ACTN1: variants seen among roughly 807,000 people sequenced by gnomAD.
ACTN1 encodes the protein alpha-actinin-1.
A neutral mutation model predicts 119.6 loss-of-function variants in ACTN1; 30 were observed. The ratio of observed to expected loss-of-function variants is 0.25; its 90% CI spans 0.19 to 0.34. ACTN1 has a LOEUF of 0.34. ACTN1 is among the 10% of genes least tolerant of loss of function. The probability of loss-of-function intolerance (pLI) is 1.00; values close to 1 mark genes in which losing one functional copy is unlikely to be tolerated. For synonymous variants in ACTN1, 429 were observed against 472.6 expected (o/e 0.91, Z 1.20); for missense variants, 764 against 1,223.4 (o/e 0.62, Z 5.60).
rs1318538514 is a variant in ACTN1 at position 68,938,754 on chromosome 14, A to T, written c.106-13082T>A. Among the ~76,000 whole-genome samples, 3 of 152,222 alleles carry T rather than the reference A, an allele frequency of 2.0e-5. No individual in the cohort carries two copies. In the East Asian group the frequency reaches 5.8e-4, roughly 29 times the overall value. ...GATACCCTGGACACATCAGGAGCCC[A>T]GTCAATGTCAGCGGTCAGCATGCTC... On this transcript the variant is annotated intron_variant, in intron 1 of 21. Coordinates refer to ENST00000394419, the MANE Select transcript of ACTN1 (RefSeq NM_001130004.2).
intron 1 of ACTN1, among the ~76,000 whole-genome samples, chr14:68,970,075 C>T (rs1042000842): frequency 6.6e-6 from 1 of 152,164 alleles, no homozygotes; most frequent in African/African-American, 2.4e-5. Flanking sequence ...AAAATGCTCC[C>T]CTACAAGCCC....
Position 68,878,385 on chromosome 14 carries a change from T to C in ACTN1, c.2427+73A>G, listed in dbSNP as rs2031128501. 6.6e-6 allele frequency: 10 copies of C among 1,507,044 alleles called. 1 individual carries two copies. The highest frequency in any genetic ancestry group is 8.0e-6 in the Non-Finnish European group (9 of 1,130,354). 93.4% of individuals were successfully genotyped at this position (1,507,044 alleles called of 1,614,324 possible). On this transcript the variant is annotated intron_variant, in intron 20 of 21. Transcript: ENST00000394419. The surrounding 1 kb of genome is among the most constrained non-coding windows in gnomAD (Gnocchi z 4.4). ...AGCCTGAGGGCCTCCAGCCTGCCAC[T>C]CCTGGGACTTGGCTGCTCCCGCCAG...
chr14:68,929,679 G>A (rs2035125833), intron 1 of ACTN1, among the ~76,000 whole-genome samples: 1 of 152,144 alleles, frequency 6.6e-6, no homozygotes, highest in Non-Finnish European at 1.5e-5. Context: ...GGATGTTCCC[G>A]CAGAGCAGCG....
intron 1 of ACTN1, among the ~76,000 whole-genome samples, chr14:68,936,232 A>G (rs977409679): frequency 1.3e-5 from 2 of 152,166 alleles, no homozygotes; most frequent in African/African-American, 4.8e-5. Context: ...TCCCAGGGAC[A>G]ATTTCATCTC....
Position 68,960,148 on chromosome 14 carries a change from T to G in ACTN1, c.105+18804A>C, listed in dbSNP as rs1288770613. ...GGAGGAGGAGAAGAAGGAGGACAGC[T>G]ACTGCTGTCTCGGGGTGGCAGAGGC... On this transcript the variant is annotated intron_variant, in intron 1 of 21. Transcript: ENST00000394419. 1.3e-5 allele frequency among the ~76,000 whole-genome samples: 2 copies of G among 152,042 alleles called. 1 individual carries two copies. Among genetic ancestry groups the G allele is most frequent in the South Asian group, 4.2e-4 (2 of 4,802 alleles).
At position 68,878,835 on chromosome 14, in the gene ACTN1, T is replaced by G. The variant is rs745358372; in HGVS notation, c.2361+154A>C. The stretch of plus-strand genomic sequence containing the variant: ...CAGCAGAGGGCAGAGGGTGGACCAG[T>G]GATGGGGCAGACAGAGACAGCAGGA... On this transcript the variant is annotated intron_variant, in intron 19 of 21. Coordinates refer to ENST00000394419, the MANE Select transcript of ACTN1 (RefSeq NM_001130004.2). This position sits in a 1 kb window ranked among gnomAD's most constrained non-coding sequence, Gnocchi z 4.4. 3.8e-6 allele frequency: 6 copies of G among 1,592,780 alleles called. No homozygotes were observed. The highest frequency in any genetic ancestry group is 1.6e-4 in the Middle Eastern group (1 of 6,074).
intron 3 of ACTN1, among the ~76,000 whole-genome samples, chr14:68,915,546 C>G (rs904965308): frequency 2.6e-5 from 4 of 152,180 alleles, no homozygotes; most frequent in African/African-American, 9.6e-5. Context: ...CAGTATGAAG[C>G]CTGGCACAGG....
In ACTN1 at chr14:68,925,048, G is replaced by T. The variant is rs557169645; in HGVS notation, c.220+510C>A. ...AAGAGAGTAGCTAACATGGCCCAGT[G>T]TATCAACCAAGGCTAGACTCACAGG... On this transcript the variant is annotated intron_variant, in intron 2 of 21. Coordinates refer to ENST00000394419, the MANE Select transcript of ACTN1 (RefSeq NM_001130004.2). This position sits in a 1 kb window ranked among gnomAD's most constrained non-coding sequence, Gnocchi z 4.3. 6.6e-6 allele frequency among the ~76,000 whole-genome samples: 1 copy of T among 152,292 alleles called. No individual in the cohort carries two copies. Among genetic ancestry groups the T allele is most frequent in the Admixed American group, 6.5e-5 (1 of 15,304 alleles).
At chr14:68,940,406 T>G (rs1264909663) in intron 1 of ACTN1, among the ~76,000 whole-genome samples, 1 of 152,096 alleles carries the variant, frequency 6.6e-6, no homozygotes, top group Non-Finnish European at 1.5e-5. Flanking sequence ...GACCCCTCCA[T>G]GTAGTTGAGG....
At chr14:68,974,552 T>TCACACACACACA (rs5809408) in intron 1 of ACTN1, among the ~76,000 whole-genome samples, 1 of 149,704 alleles carries the variant, frequency 6.7e-6, no homozygotes, top group African/African-American at 2.5e-5. Flanking sequence ...TCCTACAACA[T>TCACACACACACA]CACACACACA....
chr14:68,955,852 C>T (rs1410508975), intron 1 of ACTN1, among the ~76,000 whole-genome samples: 5 of 152,344 alleles, frequency 3.3e-5, no homozygotes, highest in African/African-American at 1.2e-4. Flanking sequence ...AACAGATTGC[C>T]TTTCCTTTCT....
intron 1 of ACTN1, among the ~76,000 whole-genome samples, chr14:68,941,885 C>G (rs376627874): frequency 6.6e-6 from 1 of 152,148 alleles, no homozygotes; most frequent in Non-Finnish European, 1.5e-5. Flanking sequence ...CTGACTCAGT[C>G]AAAACTTGAT....
intron 1 of ACTN1, among the ~76,000 whole-genome samples, chr14:68,947,971 G>A (rs1314587320): frequency 6.6e-6 from 1 of 152,218 alleles, no homozygotes; most frequent in Non-Finnish European, 1.5e-5. Context: ...TCCCTGCTTA[G>A]AGCACACAGC....
rs535607678 is a variant in ACTN1 at position 68,884,815 on chromosome 14, T to C, written c.1454A>G (p.Asn485Ser). 1.4e-4 allele frequency: 234 copies of C among 1,614,174 alleles called. 1 individual carries two copies. In the South Asian group the frequency reaches 2.5e-3, roughly 17 times the overall value. Residue 485 changes from asparagine to serine, a missense_variant, in exon 13 of 22, where the codon AAT (asparagine) becomes AGT (serine). By Grantham distance (46) the Asn-to-Ser change is conservative. This residue lies in a region of ACTN1 where 544 missense variants were observed against 912.0 expected (regional missense o/e 0.60). Coordinates refer to ENST00000394419, the MANE Select transcript of ACTN1 (RefSeq NM_001130004.2). ...TCGCTTCTGAGTTAGGGCCCCCAGA[T>C]TGTCCCACTGGTCACAGATCTTTTG... The part of the protein sequence containing the change: ...RCQKICDQWD[N>S]LGALTQKRRE...
intron 1 of ACTN1, among the ~76,000 whole-genome samples, chr14:68,937,586 A>G (rs111346102): frequency 1.3e-5 from 2 of 152,320 alleles, no homozygotes; most frequent in African/African-American, 4.8e-5. Flanking sequence ...CATCTCCCCA[A>G]TAATTAAGAC....
chr14:68,978,940 G>C lies in ACTN1; in HGVS notation c.105+12C>G, dbSNP rs1193353175. 2 of 1,441,428 alleles carry C rather than the reference G, an allele frequency of 1.4e-6. No homozygotes were observed. The highest frequency in any genetic ancestry group is 2.4e-5 in the South Asian group (2 of 85,014). The allele number at this position is 1,441,428 out of a possible 1,614,324, so 89.3% of individuals were successfully genotyped here. A position where few individuals can be genotyped will look rare whatever the true frequency, so the allele number is the denominator to read the frequency against. ...GGGCTGGGGGCTGCAGCGGGCGGGGGCGGCTGCTAACCTTTCTCTGCTGCT... is the reference window on the plus strand; with the variant it reads ...GGGCTGGGGGCTGCAGCGGGCGGGGCCGGCTGCTAACCTTTCTCTGCTGCT... On this transcript the variant is annotated intron_variant, in intron 1 of 21. Coordinates refer to ENST00000394419, the MANE Select transcript of ACTN1 (RefSeq NM_001130004.2).
chr14:68,921,249 G>T, intron 2 of ACTN1, 124 bp from the exon 3 acceptor site: 1 of 1,216,608 alleles, frequency 8.2e-7, no homozygotes, highest in Non-Finnish European at 1.1e-6. Flanking sequence ...ATGTGTGCAC[G>T]TGTGTGTGTG....
chr14:68,951,209 C>T (rs534967766), intron 1 of ACTN1, among the ~76,000 whole-genome samples: 3 of 152,294 alleles, frequency 2.0e-5, no homozygotes, highest in African/African-American at 7.2e-5. Flanking sequence ...GTGACTCAGG[C>T]GCTGGTTTCC....
In ACTN1 at chr14:68,880,178, C is replaced by A; in HGVS notation, c.2134-70G>T. 6.4e-7 allele frequency: 1 copy of A among 1,564,100 alleles called. No individual in the cohort carries two copies. Among genetic ancestry groups the A allele is most frequent in the Non-Finnish European group, 8.7e-7 (1 of 1,152,982 alleles). On this transcript the variant is annotated intron_variant, in intron 17 of 21. Transcript: ENST00000394419. The surrounding 1 kb of genome is among the most constrained non-coding windows in gnomAD (Gnocchi z 4.6). ...GGGCTCCTGGCGGCCCCTGCCCATC[C>A]TACTCCCCAACCATCAAAATGGCCA... is the stretch of plus-strand genomic sequence containing the variant.
Sources: allele counts gnomAD v4.1 joint callset (sites outside exome capture counted in the v4.1 genomes callset), GRCh38; gene constraint gnomAD v4.1.1; regional missense constraint gnomAD v4.1.1; non-coding constraint Gnocchi (gnomAD v3.1); transcripts MANE v1.5; gene names NCBI Gene and HGNC (gene_info 2026-07-23, HGNC 2026-07-21).